Variants in PAG1 observed in about 807,000 individuals in gnomAD.
The protein encoded by PAG1 is phosphoprotein associated with glycosphingolipid-enriched microdomains 1.
A neutral mutation model predicts 31.7 loss-of-function variants in PAG1; 23 were observed. The observed-to-expected ratio is 0.73, with a 90% CI of 0.52 to 1.03. The LOEUF is 1.03. PAG1 is among the 50% of genes least tolerant of loss of function. The pLI, the probability that PAG1 is intolerant of heterozygous loss-of-function variation, is 0.00. For missense variants in PAG1, 473 were observed against 540.7 expected (o/e 0.87, Z 1.24); for synonymous variants, 214 against 210.3 (o/e 1.02, Z -0.15).
intron 1 of PAG1, among the ~76,000 whole-genome samples, chr8:81,104,328 C>T (rs551399010): frequency 2.6e-5 from 4 of 151,998 alleles, no homozygotes; most frequent in African/African-American, 9.7e-5. Flanking sequence ...AAAAACTTCT[C>T]TTGCTTAATC....
At chr8:81,069,377 G>C (rs1232911955) in intron 2 of PAG1, among the ~76,000 whole-genome samples, 1 of 152,168 alleles carries the variant, frequency 6.6e-6, no homozygotes, top group Non-Finnish European at 1.5e-5. Flanking sequence ...AATATGAGTC[G>C]GGCAGGCCAT....
intron 3 of PAG1, among the ~76,000 whole-genome samples, chr8:81,011,935 A>G (rs1807992958): frequency 6.6e-6 from 1 of 152,162 alleles, no homozygotes; most frequent in Non-Finnish European, 1.5e-5. Flanking sequence ...CTAGACATTA[A>G]TGTCTGAAAC....
intron 1 of PAG1, among the ~76,000 whole-genome samples, chr8:81,098,344 T>C (rs1362921958): frequency 6.6e-6 from 1 of 152,250 alleles, no homozygotes; most frequent in Non-Finnish European, 1.5e-5. Flanking sequence ...GTCCTACTTC[T>C]GAGCTGTGTG....
chr8:81,007,753 G>T (rs1173678081), intron 3 of PAG1, among the ~76,000 whole-genome samples: 3 of 152,106 alleles, frequency 2.0e-5, no homozygotes, highest in African/African-American at 7.2e-5. Context: ...CTTTGAGGAG[G>T]TCTGGCTGTA....
chr8:80,971,170 C>G lies in PAG1; in HGVS notation c.*5374G>C, dbSNP rs777831285. On this transcript the variant is annotated 3_prime_UTR_variant, in exon 9 of 9. Coordinates refer to ENST00000220597, the MANE Select transcript of PAG1 (RefSeq NM_018440.4). ...CCCAGTACTGAAAACAACTTTCTCA[C>G]TCTTTTGTGAATTGGACAATTTGAC... is the stretch of plus-strand genomic sequence containing the variant. The G allele has an allele frequency of 3.9e-5, 6 of 152,208 alleles. No homozygotes were observed. The highest frequency in any genetic ancestry group is 5.9e-5 in the Non-Finnish European group (4 of 68,026). The allele number at this position is 152,208 out of a possible 1,614,324, so 9.4% of individuals were successfully genotyped here. A position where few individuals can be genotyped will look rare whatever the true frequency, so the allele number is the denominator to read the frequency against.
intron 3 of PAG1, among the ~76,000 whole-genome samples, chr8:81,004,089 A>G (rs1390643179): frequency 6.6e-6 from 1 of 152,204 alleles, no homozygotes; most frequent in Non-Finnish European, 1.5e-5. Flanking sequence ...CATATTTACA[A>G]TTCAAATTTA....
chr8:81,085,643 G>A (rs1426785250), intron 1 of PAG1, among the ~76,000 whole-genome samples: 1 of 152,198 alleles, frequency 6.6e-6, no homozygotes, highest in Non-Finnish European at 1.5e-5. Context: ...ATAGGATTTT[G>A]TGAGGACTTA....
intron 6 of PAG1, 71 bp downstream of exon 6, chr8:80,987,299 G>A (rs1464314444): frequency 7.4e-6 from 7 of 946,668 alleles, no homozygotes; most frequent in African/African-American, 1.6e-5. Flanking sequence ...TTTGAGCTAT[G>A]TATTTTGAAA....
chr8:81,028,622 G>A (rs890841795), intron 3 of PAG1, among the ~76,000 whole-genome samples: 1 of 152,210 alleles, frequency 6.6e-6, no homozygotes, highest in Non-Finnish European at 1.5e-5. Flanking sequence ...AAGGAAAACT[G>A]TTTCTCCAAA....
Position 80,992,290 on chromosome 8 carries a change from G to C in PAG1, c.126-760C>G, listed in dbSNP as rs117692050. Among the ~76,000 whole-genome samples the C allele has an allele frequency of 2.7e-4, 41 of 152,354 alleles. 1 individual carries two copies. The East Asian group carries it at 7.9e-3, about 29-fold the overall frequency. On this transcript the variant is annotated intron_variant, in intron 4 of 8. Transcript: ENST00000220597. ...AGGCTAGCTGGGTTCAGAGGGTCTT[G>C]GCTTTTCTCCTCCTGACAGATTTTA...
chr8:80,996,052 G>A (rs530635844), intron 3 of PAG1, among the ~76,000 whole-genome samples: 24 of 152,360 alleles, frequency 1.6e-4, no homozygotes, highest in Non-Finnish European at 3.4e-4. Flanking sequence ...TTCTCACAGC[G>A]AACAGAATGA....
Position 81,007,125 on chromosome 8 carries a change from C to CAG in PAG1, c.-80-13820_-80-13819dup, listed in dbSNP as rs369885304. Among the ~76,000 whole-genome samples the CAG allele has an allele frequency of 3.3e-4, 50 of 150,896 alleles. No homozygotes were observed. In the East Asian group the frequency reaches 5.0e-3, roughly 15 times the overall value. ...ATTTTAAAGGCATTCAACAGAGAGG[C>CAG]AGAGAGAGAGAGAGTAGCCTATGAT... On this transcript the variant is annotated intron_variant, in intron 3 of 8. Transcript: ENST00000220597.
chr8:81,083,760 T>G (rs1250121736), intron 1 of PAG1, among the ~76,000 whole-genome samples: 1 of 152,090 alleles, frequency 6.6e-6, no homozygotes, highest in Non-Finnish European at 1.5e-5. Flanking sequence ...CTCAGTCAGG[T>G]GTGGTGGCTT....
intron 1 of PAG1, among the ~76,000 whole-genome samples, chr8:81,077,046 G>A (rs1454078867): frequency 6.6e-6 from 1 of 152,184 alleles, no homozygotes; most frequent in African/African-American, 2.4e-5. Flanking sequence ...TCATAGAATC[G>A]TAGAGTTAAT....
At chr8:81,039,172 G>C (rs186377953) in intron 2 of PAG1, among the ~76,000 whole-genome samples, 7 of 152,024 alleles carry the variant, frequency 4.6e-5, no homozygotes, top group Non-Finnish European at 1.5e-5. Context: ...CCTATGTGAC[G>C]CTTTTCTGAG....
intron 3 of PAG1, among the ~76,000 whole-genome samples, chr8:81,029,542 CAGTT>C (rs907562113): frequency 6.6e-6 from 1 of 152,188 alleles, no homozygotes; most frequent in Non-Finnish European, 1.5e-5. Context: ...ATACTTGTCT[CAGTT>C]GGTGTAAAAT....
At chr8:81,069,651 T>C (rs535417321) in intron 2 of PAG1, among the ~76,000 whole-genome samples, 1 of 152,332 alleles carries the variant, frequency 6.6e-6, no homozygotes, top group East Asian at 1.9e-4. Flanking sequence ...CCATGAATAA[T>C]GATAACCAAA....
chr8:81,063,163 G>A (rs2130932247), intron 2 of PAG1, among the ~76,000 whole-genome samples: 1 of 152,276 alleles, frequency 6.6e-6, no homozygotes, highest in East Asian at 1.9e-4. Flanking sequence ...AGTGGGCCTG[G>A]GCAGGGCCAT....
rs536256611 is a variant in PAG1, at chr8:81,077,756, T to C, written c.-233-7586A>G. On this transcript the variant is annotated intron_variant, in intron 1 of 8. Coordinates refer to ENST00000220597, the MANE Select transcript of PAG1 (RefSeq NM_018440.4). ...ATAATGCAAGATGTGGAGTAAAGGTTTGAAAATAATATGTAAATTTTGCTG... is the reference window on the plus strand; with the variant it reads ...ATAATGCAAGATGTGGAGTAAAGGTCTGAAAATAATATGTAAATTTTGCTG... 2.0e-5 allele frequency among the ~76,000 whole-genome samples: 3 copies of C among 152,352 alleles called. No homozygotes were observed. The East Asian group carries it at 5.8e-4, about 29-fold the overall frequency.
Sources: allele counts gnomAD v4.1 joint callset (sites outside exome capture counted in the v4.1 genomes callset), GRCh38; gene constraint gnomAD v4.1.1; transcripts MANE v1.5; gene names NCBI Gene and HGNC (gene_info 2026-07-23, HGNC 2026-07-21).